Variants in ATXN10 observed in about 807,000 individuals in gnomAD.
ATXN10 encodes ataxin 10.
Under a neutral mutation model 52.9 loss-of-function variants are expected in ATXN10, and 28 were observed. The observed-to-expected ratio is 0.53, with a 90% confidence interval of 0.39 to 0.73. ATXN10 has a LOEUF of 0.73. Among genes scored for constraint, ATXN10 ranks in the 30% least tolerant of loss-of-function variants. The pLI is 0.00. For synonymous variants in ATXN10, 226 were observed against 221.5 expected (o/e 1.02, Z -0.18); for missense variants, 565 against 577.0 (o/e 0.98, Z 0.21).
Position 45,835,052 on chromosome 22 carries a change from C to T in ATXN10, c.1238-7939C>T, listed in dbSNP as rs977989066. On this transcript the variant is annotated intron_variant, in intron 10 of 11. Transcript: ENST00000252934. This position sits in a 1 kb window ranked among gnomAD's most constrained non-coding sequence, Gnocchi z 5.0. ...TTTGAAGTGGTCAGTAAAATGATTC[C>T]AGAGCATGTCATGTACAAAATTAGT... 6.6e-6 allele frequency among the ~76,000 whole-genome samples: 1 copy of T among 152,188 alleles called. No homozygotes were observed. Among genetic ancestry groups the T allele is most frequent in the Non-Finnish European group, 1.5e-5 (1 of 68,032 alleles).
In ATXN10 at chr22:45,718,330, A is replaced by G; in HGVS notation, c.648-83A>G. The G allele has an allele frequency of 1.0e-6, 1 of 985,084 alleles. No homozygotes were observed. Among genetic ancestry groups the G allele is most frequent in the Non-Finnish European group, 1.6e-6 (1 of 607,458 alleles). The allele number at this position is 985,084 out of a possible 1,614,324, so 61.0% of individuals were successfully genotyped here. On this transcript the variant is annotated intron_variant, in intron 5 of 11. Coordinates refer to ENST00000252934, the MANE Select transcript of ATXN10 (RefSeq NM_013236.4). The surrounding 1 kb of genome is among the most constrained non-coding windows in gnomAD (Gnocchi z 4.4). ...ACTGAAAAGAAATGCTTTTGTGTGT[A>G]AGTGGTGCCTATAAAGTAGATAAGG...
In ATXN10 at chr22:45,819,991, C is replaced by T. The variant is rs899790436; in HGVS notation, c.1237+12969C>T. On this transcript the variant is annotated intron_variant, in intron 10 of 11. Coordinates refer to ENST00000252934, the MANE Select transcript of ATXN10 (RefSeq NM_013236.4). The surrounding 1 kb of genome is among the most constrained non-coding windows in gnomAD (Gnocchi z 4.5). ...GACCTTAGTCACATTTAGCAGTGAC[C>T]AAGGGCCTGGTCAAAACGTGAGTGT... 6.6e-6 allele frequency among the ~76,000 whole-genome samples: 1 copy of T among 152,106 alleles called. No homozygotes were observed. The highest frequency in any genetic ancestry group is 6.5e-5 in the Admixed American group (1 of 15,276).
chr22:45,768,363 A>C (rs1926661035), intron 9 of ATXN10, among the ~76,000 whole-genome samples: 1 of 152,152 alleles, frequency 6.6e-6, no homozygotes, highest in South Asian at 2.1e-4. Flanking sequence ...TCCATTGTCC[A>C]AAGCAGGGAT....
Position 45,727,410 on chromosome 22 carries a change from G to T in ATXN10, c.729-2015G>T, listed in dbSNP as rs540736049. Among the ~76,000 whole-genome samples the T allele has an allele frequency of 2.6e-5, 4 of 151,914 alleles. No individual in the cohort carries two copies. Among genetic ancestry groups the T allele is most frequent in the Non-Finnish European group, 4.4e-5 (3 of 67,984 alleles). ...GTCTCGCTCTGTTGCCCAGGCTGGG[G>T]TGCAGTGGCACGATCTTGGCTTACT... On this transcript the variant is annotated intron_variant, in intron 6 of 11. Transcript: ENST00000252934. The surrounding 1 kb of genome is among the most constrained non-coding windows in gnomAD (Gnocchi z 4.6).
chr22:45,679,227 A>G (rs1922820897), intron 1 of ATXN10: 1 of 152,116 alleles, frequency 6.6e-6, no homozygotes, highest in Non-Finnish European at 1.5e-5. Flanking sequence ...TTCAGTACCA[A>G]CTTTCAGGCC....
intron 10 of ATXN10, among the ~76,000 whole-genome samples, chr22:45,807,294 C>T (rs555777683): frequency 6.6e-6 from 1 of 152,342 alleles, no homozygotes; most frequent in South Asian, 2.1e-4. Context: ...GCACAGGCAG[C>T]CCATGCAAGG....
chr22:45,696,268 C>G lies in ATXN10; in HGVS notation c.391+3190C>G, dbSNP rs779762248. 1.5e-4 allele frequency among the ~76,000 whole-genome samples: 23 copies of G among 152,096 alleles called. No individual in the cohort carries two copies. The highest frequency in any genetic ancestry group is 4.4e-5 in the Non-Finnish European group (3 of 68,042). ...GTAAAGTCCGTGTTTCACAGTGTCACTTGGAAGGGCAGCTATTTTGAGGTC... is the reference window on the plus strand; with the variant it reads ...GTAAAGTCCGTGTTTCACAGTGTCAGTTGGAAGGGCAGCTATTTTGAGGTC... On this transcript the variant is annotated intron_variant, in intron 3 of 11. Transcript: ENST00000252934. The surrounding 1 kb of genome is among the most constrained non-coding windows in gnomAD (Gnocchi z 4.7).
intron 9 of ATXN10, among the ~76,000 whole-genome samples, chr22:45,760,215 C>T (rs1257140445): frequency 6.6e-6 from 1 of 152,168 alleles, no homozygotes; most frequent in Non-Finnish European, 1.5e-5. Context: ...AGATGACATT[C>T]CCTATCTTCA....
rs1925974111 is a variant in ATXN10, at chr22:45,751,761, A to AT, written c.1173+11223_1173+11224insT. Among the ~76,000 whole-genome samples, 4 of 57,518 alleles carry AT rather than the reference A, an allele frequency of 7.0e-5. No individual in the cohort carries two copies. In the East Asian group the frequency reaches 9.9e-4, roughly 14 times the overall value. 37.7% of individuals were successfully genotyped at this position (57,518 alleles called of 152,430 possible). A position where few individuals can be genotyped will look rare whatever the true frequency, so the allele number is the denominator to read the frequency against. On this transcript the variant is annotated intron_variant, in intron 9 of 11. Coordinates refer to ENST00000252934, the MANE Select transcript of ATXN10 (RefSeq NM_013236.4). ...TCTGGAAAAAAAAAAAAAATAAAAA[A>AT]AAAATAATAATAATAATAATAATAA...
Position 45,840,444 on chromosome 22 carries a change from G to T in ATXN10, c.1238-2547G>T, listed in dbSNP as rs1785131652. Among the ~76,000 whole-genome samples the T allele has an allele frequency of 6.6e-6, 1 of 152,198 alleles. No homozygotes were observed. Among genetic ancestry groups the T allele is most frequent in the South Asian group, 2.1e-4 (1 of 4,834 alleles). ...TCCGGGAGACTGTGATACTTGCTGA[G>T]TCTCGAAGGCTAAGTGTGCCCCATG... is the stretch of plus-strand genomic sequence containing the variant. On this transcript the variant is annotated intron_variant, in intron 10 of 11. Coordinates refer to ENST00000252934, the MANE Select transcript of ATXN10 (RefSeq NM_013236.4). This position sits in a 1 kb window ranked among gnomAD's most constrained non-coding sequence, Gnocchi z 5.8.
At position 45,712,684 on chromosome 22, in the gene ATXN10, T is replaced by A. The variant is rs913475165; in HGVS notation, c.648-5729T>A. Among the ~76,000 whole-genome samples the A allele has an allele frequency of 6.6e-6, 1 of 152,184 alleles. No individual in the cohort carries two copies. Among genetic ancestry groups the A allele is most frequent in the Non-Finnish European group, 1.5e-5 (1 of 68,024 alleles). Reference sequence around the variant, plus strand: ...GGCACATGTAGATTCAGGAAATCTATTTATATATTTTTCAGATTATAACTC... The same window carrying A: ...GGCACATGTAGATTCAGGAAATCTAATTATATATTTTTCAGATTATAACTC... On this transcript the variant is annotated intron_variant, in intron 5 of 11. Transcript: ENST00000252934. The surrounding 1 kb of genome is among the most constrained non-coding windows in gnomAD (Gnocchi z 4.6).
chr22:45,785,056 T>C (rs1054512656), intron 9 of ATXN10, among the ~76,000 whole-genome samples: 1 of 152,224 alleles, frequency 6.6e-6, no homozygotes, highest in Admixed American at 6.5e-5. Flanking sequence ...GGGTTATTTT[T>C]GTTCTAAATG....
intron 5 of ATXN10, among the ~76,000 whole-genome samples, chr22:45,706,867 A>AT (rs1350467490): frequency 6.6e-6 from 1 of 152,166 alleles, no homozygotes; most frequent in Admixed American, 6.5e-5. Flanking sequence ...TGTTCTGTAG[A>AT]TATCTATTAG....
intron 10 of ATXN10, among the ~76,000 whole-genome samples, chr22:45,817,388 G>A (rs1301575144): frequency 1.4e-5 from 2 of 141,640 alleles, no homozygotes; most frequent in Admixed American, 7.4e-5. Flanking sequence ...GCAATGGCGC[G>A]ATCTCTGCTC....
Position 45,705,548 on chromosome 22 carries a change from TC to T in ATXN10, c.647+2702del, listed in dbSNP as rs1219903503. Among the ~76,000 whole-genome samples, 2 of 152,078 alleles carry T rather than the reference TC, an allele frequency of 1.3e-5. No homozygotes were observed. The highest frequency in any genetic ancestry group is 2.9e-5 in the Non-Finnish European group (2 of 68,006). On this transcript the variant is annotated intron_variant, in intron 5 of 11. Coordinates refer to ENST00000252934, the MANE Select transcript of ATXN10 (RefSeq NM_013236.4). The surrounding 1 kb of genome is among the most constrained non-coding windows in gnomAD (Gnocchi z 5.2). Reference sequence around the variant, plus strand: ...TCTTGGGTTCAAGCAATTCTCTGCCTCAGTCTCCTGAATAGCTGGGATTGCA... The same window carrying T: ...TCTTGGGTTCAAGCAATTCTCTGCCTAGTCTCCTGAATAGCTGGGATTGCA...
At chr22:45,806,206 G>A (rs1006796332) in intron 9 of ATXN10, among the ~76,000 whole-genome samples, 1 of 152,126 alleles carries the variant, frequency 6.6e-6, no homozygotes. Flanking sequence ...TTTCCTTGTG[G>A]CCTTACCAAT....
In ATXN10 at chr22:45,763,439, C is replaced by T. The variant is rs1300008514; in HGVS notation, c.1173+22901C>T. Among the ~76,000 whole-genome samples, 3 of 152,142 alleles carry T rather than the reference C, an allele frequency of 2.0e-5. No homozygotes were observed. Among genetic ancestry groups the T allele is most frequent in the Non-Finnish European group, 2.9e-5 (2 of 68,026 alleles). ...CTCGCTCGCTTTGCCAGGAGACAGG[C>T]GGCTCCTTGCCTGAGCCTCTGTGCT... On this transcript the variant is annotated intron_variant, in intron 9 of 11. Coordinates refer to ENST00000252934, the MANE Select transcript of ATXN10 (RefSeq NM_013236.4). This position sits in a 1 kb window ranked among gnomAD's most constrained non-coding sequence, Gnocchi z 6.9.
rs191065333 is a variant in ATXN10, at chr22:45,787,575, T to C, written c.1174-19384T>C. Among the ~76,000 whole-genome samples, 1 of 152,304 alleles carries C rather than the reference T, an allele frequency of 6.6e-6. No individual in the cohort carries two copies. Among genetic ancestry groups the C allele is most frequent in the African/African-American group, 2.4e-5 (1 of 41,566 alleles). On this transcript the variant is annotated intron_variant, in intron 9 of 11. Transcript: ENST00000252934. The surrounding 1 kb of genome is among the most constrained non-coding windows in gnomAD (Gnocchi z 4.2). ...GGGAAGGAATGCTGTCCAGTCGTCTTGAGTTGAACGTTCTCATCAATACTT... is the reference window on the plus strand; with the variant it reads ...GGGAAGGAATGCTGTCCAGTCGTCTCGAGTTGAACGTTCTCATCAATACTT...
At chr22:45,710,011 T>C (rs1924185022) in intron 5 of ATXN10, among the ~76,000 whole-genome samples, 1 of 152,244 alleles carries the variant, frequency 6.6e-6, no homozygotes, top group African/African-American at 2.4e-5. Context: ...CTTTCATTGC[T>C]ACTGCCAGAA....
Sources: gnomAD v4.1 joint callset for allele counts (sites outside exome capture counted in the v4.1 genomes callset) on GRCh38, gnomAD v4.1.1 for gene constraint, Gnocchi (gnomAD v3.1) non-coding constraint, MANE v1.5 for transcripts, NCBI Gene and HGNC (gene_info 2026-07-23, HGNC 2026-07-21) for gene names.